TBC1D5: variants seen among roughly 807,000 people sequenced by gnomAD.
TBC1D5 encodes the protein TBC1 domain family member 5.
In TBC1D5, 75 loss-of-function variants were observed where a neutral mutation model predicts 100.3. The ratio of observed to expected loss-of-function variants is 0.75; its 90% CI spans 0.62 to 0.91. TBC1D5 has a LOEUF of 0.91. TBC1D5 is among the 40% of genes least tolerant of loss of function. The pLI is 0.00. For missense variants in TBC1D5, 910 were observed against 942.4 expected, an observed-to-expected ratio of 0.97 and a Z score of 0.45; for synonymous variants, 323 against 325.6, an observed-to-expected ratio of 0.99 and a Z score of 0.09.
At chr3:17,271,101 C>G (rs967463430) in intron 15 of TBC1D5, among the ~76,000 whole-genome samples, 1 of 152,050 alleles carries the variant, frequency 6.6e-6, no homozygotes, top group Admixed American at 6.5e-5. Flanking sequence ...TATTCAGGCT[C>G]TTTTTCAGTT....
chr3:17,255,807 G>C (rs1039544258), intron 16 of TBC1D5, among the ~76,000 whole-genome samples: 2 of 152,112 alleles, frequency 1.3e-5, no homozygotes, highest in African/African-American at 4.8e-5. Context: ...GGGAGGCTGA[G>C]GTGGGCAGAT....
At chr3:17,715,728 C>A (rs749221682) in intron 1 of TBC1D5, among the ~76,000 whole-genome samples, 1 of 151,636 alleles carries the variant, frequency 6.6e-6, no homozygotes, top group African/African-American at 2.4e-5. Context: ...CTTGAGCCCA[C>A]GAGTTTGAAA....
intron 1 of TBC1D5, among the ~76,000 whole-genome samples, chr3:17,679,013 C>G (rs1349783921): frequency 1.3e-5 from 2 of 150,168 alleles, no homozygotes; most frequent in Non-Finnish European, 2.9e-5. Context: ...TTAATCAAGT[C>G]TGAGAGTAAA....
intron 2 of TBC1D5, among the ~76,000 whole-genome samples, chr3:17,575,765 G>A (rs2096653848): frequency 6.6e-6 from 1 of 151,986 alleles, no homozygotes; most frequent in Admixed American, 6.6e-5. Flanking sequence ...AACAAACTAT[G>A]AATGTAAATA....
rs142544705 is a variant in TBC1D5 at position 17,208,585 on chromosome 3, C to T, written c.1752+5622G>A. ...TATCTTAAAAATTTCTGCCTACTTC[C>T]TTCCCCAAAGTTAGCAAATATACTA... On this transcript the variant is annotated intron_variant, in intron 18 of 21. Coordinates refer to ENST00000253692, the Ensembl canonical transcript of TBC1D5. Among the ~76,000 whole-genome samples the T allele has an allele frequency of 3.4e-3, 523 of 152,330 alleles. 4 individuals are homozygous for T. The highest frequency in any genetic ancestry group is 0.011 in the African/African-American group (476 of 41,586).
chr3:17,663,853 G>T (rs188760685), intron 1 of TBC1D5, among the ~76,000 whole-genome samples: 1 of 152,152 alleles, frequency 6.6e-6, no homozygotes, highest in African/African-American at 2.4e-5. Context: ...AGAATGTTAT[G>T]CAACTATTAA....
chr3:17,460,207 T>C (rs548430307), intron 3 of TBC1D5, among the ~76,000 whole-genome samples: 33 of 152,312 alleles, frequency 2.2e-4, no homozygotes, highest in Admixed American at 7.2e-4. Context: ...ACCTAACCGA[T>C]ATGATCTTTA....
chr3:17,331,830 G>T (rs899986769), intron 13 of TBC1D5, among the ~76,000 whole-genome samples: 2 of 152,226 alleles, frequency 1.3e-5, no homozygotes, highest in Non-Finnish European at 2.9e-5. Context: ...CATGTACAAA[G>T]GCTCCATGGC....
chr3:17,182,029 T>C (rs2068507783), intron 19 of TBC1D5, among the ~76,000 whole-genome samples: 1 of 152,162 alleles, frequency 6.6e-6, no homozygotes, highest in African/African-American at 2.4e-5. Flanking sequence ...GGTATTAAAA[T>C]AATTTCTTAA....
chr3:17,537,744 C>T (rs2096297434), intron 2 of TBC1D5, among the ~76,000 whole-genome samples: 1 of 152,090 alleles, frequency 6.6e-6, no homozygotes, highest in African/African-American at 2.4e-5. Flanking sequence ...GGTTTCTTTC[C>T]TTTATAAGCC....
At chr3:17,193,099 T>TTTATAAA (rs2070174486) in intron 18 of TBC1D5, among the ~76,000 whole-genome samples, 1 of 152,224 alleles carries the variant, frequency 6.6e-6, no homozygotes, top group South Asian at 2.1e-4. Flanking sequence ...CTCCTTATAA[T>TTTATAAA]TTATAAAGTT....
At chr3:17,725,025 C>A (rs2076009820) in intron 1 of TBC1D5, among the ~76,000 whole-genome samples, 1 of 152,112 alleles carries the variant, frequency 6.6e-6, no homozygotes, top group Non-Finnish European at 1.5e-5. Context: ...TTGTTCCCAG[C>A]AGATATTTTT....
intron 2 of TBC1D5, among the ~76,000 whole-genome samples, chr3:17,517,243 A>C (rs1232666929): frequency 1.3e-5 from 2 of 152,186 alleles, no homozygotes; most frequent in African/African-American, 4.8e-5. Context: ...TATTTTACTC[A>C]ACTTCTGAAC....
At chr3:17,665,160 C>T (rs2067122081) in intron 1 of TBC1D5, 2 of 148,818 alleles carry the variant, frequency 1.3e-5, no homozygotes, top group Non-Finnish European at 3.0e-5. Context: ...AACTCTTAAA[C>T]TACAGAAGGG....
chr3:17,428,431 ATATG>A lies in TBC1D5; in HGVS notation c.167+15_167+18del. 8.4e-6 allele frequency: 6 copies of A among 714,274 alleles called. No homozygotes were observed. Among genetic ancestry groups the A allele is most frequent in the African/African-American group, 1.9e-5 (1 of 52,606 alleles). The allele number at this position is 714,274 out of a possible 1,614,324, so 44.2% of individuals were successfully genotyped here. ...TGTGTGTATATATATATATATATAT[ATATG>A]TATTCATCACCTACCTATAGGAATT... is the stretch of plus-strand genomic sequence containing the variant. On this transcript the variant is annotated intron_variant, in intron 4 of 21. Transcript: ENST00000253692.
chr3:17,563,293 G>A (rs1374036526), intron 2 of TBC1D5, among the ~76,000 whole-genome samples: 1 of 152,172 alleles, frequency 6.6e-6, no homozygotes, highest in African/African-American at 2.4e-5. Flanking sequence ...GGGCCTGGAG[G>A]TCATAACAAT....
chr3:17,552,289 G>C (rs1474535642), intron 2 of TBC1D5, among the ~76,000 whole-genome samples: 1 of 152,026 alleles, frequency 6.6e-6, no homozygotes, highest in Non-Finnish European at 1.5e-5. Context: ...CCTCCTGTTA[G>C]AGACCTTATG....
Position 17,406,530 on chromosome 3 carries a change from T to C in TBC1D5, c.168-4A>G, listed in dbSNP as rs373298931. 42 of 1,609,050 alleles carry C rather than the reference T, an allele frequency of 2.6e-5. No individual in the cohort carries two copies. The highest frequency in any genetic ancestry group is 1.4e-5 in the Non-Finnish European group (16 of 1,177,488). On this transcript the variant is annotated splice_polypyrimidine_tract_variant and splice_region_variant and intron_variant, in intron 4 of 21. Transcript: ENST00000253692. ...AAATAGTTCTTCCCATTCTTTCCTATATGAAAGAAACCAAAGCATGAGAAT... is the reference window on the plus strand; with the variant it reads ...AAATAGTTCTTCCCATTCTTTCCTACATGAAAGAAACCAAAGCATGAGAAT...
intron 1 of TBC1D5, chr3:17,665,059 G>GAAAAAAA (rs2067102633): frequency 1.1e-5 from 1 of 92,312 alleles, no homozygotes; most frequent in African/African-American, 3.8e-5. Context: ...AAAGGAAGAA[G>GAAAAAAA]AAAGGAAAAA....
Sources: gnomAD v4.1 joint callset for allele counts (sites outside exome capture counted in the v4.1 genomes callset) on GRCh38, gnomAD v4.1.1 for gene constraint, MANE v1.5 for transcripts, NCBI Gene and HGNC (gene_info 2026-07-23, HGNC 2026-07-21) for gene names.